EPHA4: variants seen among roughly 807,000 people sequenced by gnomAD.
The protein encoded by EPHA4 is EPH receptor A4, also known as ephrin type-A receptor 4.
Under a neutral mutation model 108.3 loss-of-function variants are expected in EPHA4, and 19 were observed. The observed-to-expected ratio is 0.18, with a 90% confidence interval of 0.12 to 0.26. The LOEUF is 0.26. Ranked by LOEUF, EPHA4 falls within the 10% of genes least tolerant of loss-of-function variation. The pLI is 1.00. For synonymous variants in EPHA4, 449 were observed against 455.5 expected, an observed-to-expected ratio of 0.99 and a Z score of 0.18; for missense variants, 917 against 1,254.0, an observed-to-expected ratio of 0.73 and a Z score of 4.06.
intron 6 of EPHA4, 130 bp downstream of exon 6, chr2:221,457,736 G>T: frequency 2.0e-6 from 2 of 1,016,680 alleles, no homozygotes; most frequent in Non-Finnish European, 1.4e-6. Context: ...AAGGAGGATG[G>T]GAAGGAGTCG....
At chr2:221,467,768 C>G (rs966536394) in intron 5 of EPHA4, among the ~76,000 whole-genome samples, 22 of 152,292 alleles carry the variant, frequency 1.4e-4, no homozygotes, top group African/African-American at 4.3e-4. Context: ...TGTGTTTCGT[C>G]TGGGAGCTGC....
chr2:221,474,693 G>A (rs1368861703), intron 5 of EPHA4, among the ~76,000 whole-genome samples: 1 of 152,116 alleles, frequency 6.6e-6, no homozygotes, highest in East Asian at 1.9e-4. Flanking sequence ...TTGTCTGTTT[G>A]AAGGATTTTA....
At chr2:221,452,395 C>T (rs3755036) in intron 8 of EPHA4, among the ~76,000 whole-genome samples, 8,445 of 152,328 alleles carry the variant, frequency 0.055, 466 homozygotes, top group African/African-American at 0.14. Flanking sequence ...TGTCCTCTCA[C>T]GAAAAGCCTG....
intron 4 of EPHA4, among the ~76,000 whole-genome samples, chr2:221,490,041 G>T (rs1692094321): frequency 6.6e-6 from 1 of 151,698 alleles, no homozygotes. Flanking sequence ...AGCTACTTGG[G>T]AAGCTGAGGT....
chr2:221,455,479 A>G (rs766962845), intron 8 of EPHA4, 68 bp downstream of exon 8: 2 of 1,223,016 alleles, frequency 1.6e-6, no homozygotes, highest in East Asian at 2.4e-5. Flanking sequence ...CTTTGTGTGG[A>G]AGAGAAAAAA....
intron 3 of EPHA4, among the ~76,000 whole-genome samples, chr2:221,522,065 A>G (rs1341205384): frequency 1.3e-5 from 2 of 152,242 alleles, no homozygotes; most frequent in African/African-American, 2.4e-5. Flanking sequence ...ACTAGCATTT[A>G]CTGAGCACTG....
intron 3 of EPHA4, among the ~76,000 whole-genome samples, chr2:221,511,634 C>G (rs1692834134): frequency 6.6e-6 from 1 of 152,162 alleles, no homozygotes. Flanking sequence ...ATTCATTGCT[C>G]AATTAAGCTC....
chr2:221,512,249 G>GA (rs1243484125), intron 3 of EPHA4, among the ~76,000 whole-genome samples: 35 of 152,058 alleles, frequency 2.3e-4, no homozygotes, highest in African/African-American at 8.0e-4. Flanking sequence ...CACCATGTAA[G>GA]AAAAAATCAA....
At position 221,566,969 on chromosome 2, in the gene EPHA4, G is replaced by GGAAGAAGAAGAAGAGGAA. The variant is rs879053064; in HGVS notation, c.159+1748_159+1749insTTCCTCTTCTTCTTCTTC. On this transcript the variant is annotated intron_variant, in intron 2 of 17. Coordinates refer to ENST00000281821, the MANE Select transcript of EPHA4 (RefSeq NM_004438.5). ...GAGAAGGAGAAGGGGAAGAGGAAGA[G>GGAAGAAGAAGAAGAGGAA]GAAGAAGAAGAAGAAGAAGAAGAAG... Among the ~76,000 whole-genome samples the GGAAGAAGAAGAAGAGGAA allele has an allele frequency of 8.1e-3, 225 of 27,650 alleles. 86 individuals are homozygous for GGAAGAAGAAGAAGAGGAA. The highest frequency in any genetic ancestry group is 0.04 in the African/African-American group (209 of 5,198). 18.1% of individuals were successfully genotyped at this position (27,650 alleles called of 152,430 possible). A position where few individuals can be genotyped will look rare whatever the true frequency, so the allele number is the denominator to read the frequency against.
chr2:221,518,899 A>G (rs180988350), intron 3 of EPHA4, among the ~76,000 whole-genome samples: 13 of 152,336 alleles, frequency 8.5e-5, no homozygotes, highest in Middle Eastern at 3.4e-3. Flanking sequence ...TGTCTCCCAG[A>G]GGAAGGGTTA....
intron 3 of EPHA4, among the ~76,000 whole-genome samples, chr2:221,547,962 C>A (rs1224575504): frequency 2.0e-5 from 3 of 152,168 alleles, no homozygotes; most frequent in Non-Finnish European, 4.4e-5. Flanking sequence ...TTAATAATTT[C>A]TTCCCAAAGA....
At chr2:221,526,432 G>A (rs1053035274) in intron 3 of EPHA4, among the ~76,000 whole-genome samples, 4 of 151,988 alleles carry the variant, frequency 2.6e-5, no homozygotes, top group African/African-American at 7.3e-5. Flanking sequence ...CGTGTGCCTC[G>A]AAGGTTGCAG....
rs1413794495 is a variant in EPHA4 at position 221,419,247 on chromosome 2, T to C, written c.*2125A>G. ...AGCTCCGATTCTAGAAGGCTGATGC[T>C]CTTGTGAGGGCAACAGGAGTTAGCT... On this transcript the variant is annotated 3_prime_UTR_variant, in exon 18 of 18. Coordinates refer to ENST00000281821, the MANE Select transcript of EPHA4 (RefSeq NM_004438.5). The C allele has an allele frequency of 1.3e-5, 2 of 152,602 alleles. No homozygotes were observed. Among genetic ancestry groups the C allele is most frequent in the Non-Finnish European group, 2.9e-5 (2 of 68,040 alleles). 9.5% of individuals were successfully genotyped at this position (152,602 alleles called of 1,614,324 possible).
chr2:221,474,398 G>A (rs921129926), intron 5 of EPHA4, among the ~76,000 whole-genome samples: 24 of 148,476 alleles, frequency 1.6e-4, no homozygotes, highest in African/African-American at 5.0e-4. Context: ...CTCAGTATAA[G>A]GTTAGAATCA....
At chr2:221,430,667 A>G (rs1690044581) in intron 14 of EPHA4, among the ~76,000 whole-genome samples, 1 of 152,218 alleles carries the variant, frequency 6.6e-6, no homozygotes, top group African/African-American at 2.4e-5. Flanking sequence ...CCAGAGTCCA[A>G]GTCCAGACGC....
chr2:221,464,503 T>C (rs1424607040), intron 5 of EPHA4, among the ~76,000 whole-genome samples: 1 of 152,230 alleles, frequency 6.6e-6, no homozygotes, highest in Non-Finnish European at 1.5e-5. Context: ...ACATTCCAGA[T>C]GGAGAGAAGG....
chr2:221,560,201 T>C (rs950908901), intron 3 of EPHA4, among the ~76,000 whole-genome samples: 3 of 145,278 alleles, frequency 2.1e-5, no homozygotes, highest in Non-Finnish European at 4.5e-5. Flanking sequence ...CCAAGGAAGA[T>C]GGATGAGGAA....
intron 1 of EPHA4, among the ~76,000 whole-genome samples, chr2:221,569,173 G>A (rs1370550005): frequency 6.6e-6 from 1 of 151,914 alleles, no homozygotes; most frequent in African/African-American, 2.4e-5. Flanking sequence ...GTTTTTGCAA[G>A]TTTCAGATGA....
At position 221,426,469 on chromosome 2, in the gene EPHA4, G is replaced by A. The variant is rs772877513; in HGVS notation, c.2841C>T (p.Asn947=). Residue 947 remains asparagine (N), a synonymous_variant, in exon 16 of 18, where the codon AAC becomes AAT. Coordinates refer to ENST00000281821, the MANE Select transcript of EPHA4 (RefSeq NM_004438.5). ...YTTLEAVVHV[N]QEDLARIGIT... ...TTACATCGTTGAGTACTTACTCCTG[G>A]TTCACGTGCACCACAGCCTCTAGTG... The A allele has an allele frequency of 1.2e-5, 19 of 1,601,772 alleles. 1 individual carries two copies. The South Asian group carries it at 1.3e-4, about 11-fold the overall frequency.
Sources: allele counts gnomAD v4.1 joint callset (sites outside exome capture counted in the v4.1 genomes callset), GRCh38; gene constraint gnomAD v4.1.1; transcripts MANE v1.5; gene names NCBI Gene and HGNC (gene_info 2026-07-23, HGNC 2026-07-21).